The following FBRSL1 variants were observed in gnomAD, a reference collection of about 807,000 sequenced individuals.
The protein encoded by FBRSL1 is fibrosin-1-like protein.
FBRSL1 carries 51 observed loss-of-function variants against 89.6 expected under a neutral mutation model. That is an observed-to-expected ratio of 0.57 (90% CI 0.45 to 0.72). The LOEUF (loss-of-function observed/expected upper bound fraction) is 0.72, where lower values mean the gene tolerates loss of function less well. Ranked by LOEUF, FBRSL1 falls within the 30% of genes least tolerant of loss-of-function variation. The pLI, the probability that FBRSL1 is intolerant of heterozygous loss-of-function variation, is 0.00. For synonymous variants in FBRSL1, 779 were observed against 681.1 expected, an observed-to-expected ratio of 1.14 and a Z score of -2.24; for missense variants, 1,618 against 1,451.8, an observed-to-expected ratio of 1.11 and a Z score of -1.86.
In FBRSL1 at chr12:132,582,390, C is replaced by G. The variant is rs149320476; in HGVS notation, c.2201+124C>G. 123 of 654,174 alleles carry G rather than the reference C, an allele frequency of 1.9e-4. 1 individual carries two copies. Among genetic ancestry groups the G allele is most frequent in the South Asian group, 2.7e-4 (15 of 55,170 alleles). The allele number at this position is 654,174 out of a possible 1,614,324, so 40.5% of individuals were successfully genotyped here. On this transcript the variant is annotated intron_variant, in intron 18 of 18. Coordinates refer to ENST00000680143, the MANE Select transcript of FBRSL1 (RefSeq NM_001367871.1). ...TCCCCGTTTCCTCTCCCTCACCGTT[C>G]CCCCTCCCCCTGTTCCCCTTCCCCG...
At chr12:132,497,197 C>T (rs946132419) in intron 1 of FBRSL1, among the ~76,000 whole-genome samples, 1 of 152,204 alleles carries the variant, frequency 6.6e-6, no homozygotes, top group Non-Finnish European at 1.5e-5. Flanking sequence ...ACAGAATACT[C>T]GGGTCCCAGC....
At position 132,565,530 on chromosome 12, in the gene FBRSL1, C is replaced by CGCGT. The variant is rs1330054862; in HGVS notation, c.646-1951_646-1950insGCGT. 9.5e-4 allele frequency: 145 copies of CGCGT among 152,264 alleles called. 1 individual carries two copies. The highest frequency in any genetic ancestry group is 3.4e-3 in the African/African-American group (140 of 41,494). 9.4% of individuals were successfully genotyped at this position (152,264 alleles called of 1,614,324 possible). Reference sequence around the variant, plus strand: ...TCATGTACACGTACCCGAGTGTGCTCATGTACACGTACCCGAGTGTGCCCA... The same window carrying CGCGT: ...TCATGTACACGTACCCGAGTGTGCTCGCGTATGTACACGTACCCGAGTGTGCCCA... On this transcript the variant is annotated intron_variant, in intron 5 of 18. Transcript: ENST00000680143.
chr12:132,534,084 C>A (rs906605879), intron 4 of FBRSL1, among the ~76,000 whole-genome samples: 1 of 152,140 alleles, frequency 6.6e-6, no homozygotes, highest in Non-Finnish European at 1.5e-5. Flanking sequence ...AAGGGGCTGA[C>A]CCACCCAGTG....
intron 1 of FBRSL1, among the ~76,000 whole-genome samples, chr12:132,495,492 C>T (rs1258193649): frequency 6.6e-6 from 1 of 152,232 alleles, no homozygotes; most frequent in African/African-American, 2.4e-5. Flanking sequence ...CATTTGGGTT[C>T]AGTGAGGAGA....
At chr12:132,517,495 G>C (rs1042595123) in intron 2 of FBRSL1, among the ~76,000 whole-genome samples, 2 of 152,242 alleles carry the variant, frequency 1.3e-5, no homozygotes, top group African/African-American at 4.8e-5. Context: ...GGGCTGCAGT[G>C]ACAAACAAGA....
chr12:132,519,676 C>A (rs767057513), intron 2 of FBRSL1, among the ~76,000 whole-genome samples: 1 of 152,156 alleles, frequency 6.6e-6, no homozygotes, highest in Admixed American at 6.5e-5. Context: ...TTTGGGAGGC[C>A]AAGGCAAATG....
intron 4 of FBRSL1, among the ~76,000 whole-genome samples, chr12:132,541,132 T>C (rs554035570): frequency 2.1e-3 from 224 of 104,400 alleles, no homozygotes; most frequent in South Asian, 2.3e-3. Context: ...CCCCGAGGCA[T>C]GTCAGGTGCA....
intron 9 of FBRSL1, 72 bp from the exon 10 acceptor site, chr12:132,572,216 G>A: frequency 7.0e-7 from 1 of 1,430,376 alleles, no homozygotes; most frequent in Non-Finnish European, 9.6e-7. Flanking sequence ...AGCCCGGCCA[G>A]GTGGGCGGGG....
At chr12:132,514,892 T>C (rs2034697506) in intron 2 of FBRSL1, among the ~76,000 whole-genome samples, 1 of 152,206 alleles carries the variant, frequency 6.6e-6, no homozygotes, top group Admixed American at 6.5e-5. Flanking sequence ...ATTTCAACAA[T>C]GTAATCTATA....
At chr12:132,503,939 C>T (rs141566225) in intron 1 of FBRSL1, among the ~76,000 whole-genome samples, 5 of 151,996 alleles carry the variant, frequency 3.3e-5, no homozygotes, top group Admixed American at 1.3e-4. Flanking sequence ...CCAACCCATC[C>T]GAGAAGACCC....
At chr12:132,562,863 G>T (rs532779308) in intron 5 of FBRSL1, among the ~76,000 whole-genome samples, 1 of 152,240 alleles carries the variant, frequency 6.6e-6, no homozygotes, top group African/African-American at 2.4e-5. Context: ...CAAGAAGGTG[G>T]AATCCACACC....
At chr12:132,504,500 C>T (rs1447725788) in intron 1 of FBRSL1, among the ~76,000 whole-genome samples, 2 of 152,138 alleles carry the variant, frequency 1.3e-5, no homozygotes, top group Admixed American at 6.5e-5. Context: ...GGCGCCACTG[C>T]AGGGCAGTGG....
At chr12:132,527,672 G>A (rs1327326699) in intron 3 of FBRSL1, among the ~76,000 whole-genome samples, 3 of 147,256 alleles carry the variant, frequency 2.0e-5, no homozygotes, top group East Asian at 2.0e-4. Flanking sequence ...TGTGGGCTGC[G>A]GGGCTGTGGG....
intron 4 of FBRSL1, among the ~76,000 whole-genome samples, chr12:132,539,100 A>G (rs1489907201): frequency 1.3e-5 from 2 of 151,994 alleles, no homozygotes; most frequent in African/African-American, 2.4e-5. Context: ...GCGACTTGCA[A>G]GTGAGCCCAG....
chr12:132,510,216 C>A, intron 2 of FBRSL1: 1 of 1,231,970 alleles, frequency 8.1e-7, no homozygotes, highest in Non-Finnish European at 1.0e-6. Flanking sequence ...GCCGTTGCTC[C>A]CCATTCCCGA....
At chr12:132,566,730 C>G (rs952383999) in intron 5 of FBRSL1, among the ~76,000 whole-genome samples, 12 of 151,974 alleles carry the variant, frequency 7.9e-5, no homozygotes, top group Non-Finnish European at 1.3e-4. Context: ...GGGAGCATAG[C>G]GCAGCATTCT....
chr12:132,509,049 C>A (rs770621765), intron 2 of FBRSL1: 2 of 1,212,424 alleles, frequency 1.6e-6, no homozygotes, highest in Non-Finnish European at 2.1e-6. Context: ...TCTCCTCGGC[C>A]CCCTTGGGAA....
chr12:132,517,560 C>T (rs537535818), intron 2 of FBRSL1, among the ~76,000 whole-genome samples: 4 of 152,318 alleles, frequency 2.6e-5, no homozygotes, highest in East Asian at 3.9e-4. Flanking sequence ...AACAGCAGAG[C>T]GGGTGGAGAC....
intron 4 of FBRSL1, among the ~76,000 whole-genome samples, chr12:132,537,408 G>C (rs756244475): frequency 1.2e-4 from 18 of 152,162 alleles, no homozygotes; most frequent in Non-Finnish European, 2.2e-4. Flanking sequence ...TGTGTGGGTT[G>C]GGCCGAACCC....
Sources: allele counts gnomAD v4.1 joint callset (sites outside exome capture counted in the v4.1 genomes callset), GRCh38; gene constraint gnomAD v4.1.1; transcripts MANE v1.5; gene names NCBI Gene and HGNC (gene_info 2026-07-23, HGNC 2026-07-21).